Variants in CUL9 observed in about 807,000 individuals in gnomAD.
CUL9 encodes cullin-9.
In CUL9, 79 loss-of-function variants were observed where a neutral mutation model predicts 272.6. The observed-to-expected ratio is 0.29, with a 90% CI of 0.24 to 0.35. The LOEUF is 0.35. Ranked by LOEUF, CUL9 falls within the 10% of genes least tolerant of loss-of-function variation. The pLI, the probability that CUL9 is intolerant of heterozygous loss-of-function variation, is 1.00. For missense variants in CUL9, 2,532 were observed against 3,255.6 expected, an observed-to-expected ratio of 0.78 and a Z score of 5.41; for synonymous variants, 1,186 against 1,286.5, an observed-to-expected ratio of 0.92 and a Z score of 1.67.
Position 43,200,427 on chromosome 6 carries a change from C to T in CUL9, c.3385-9C>T, listed in dbSNP as rs368854404. 1.7e-4 allele frequency: 281 copies of T among 1,614,098 alleles called. 6 individuals are homozygous for T. In the South Asian group the frequency reaches 2.7e-3, roughly 16 times the overall value. The stretch of plus-strand genomic sequence containing the variant: ...CTCTTCCTCATTCTCCCTGATGTTC[C>T]GGCTGCAGATGGTGCTGGGCCAGAT... On this transcript the variant is annotated splice_polypyrimidine_tract_variant and intron_variant, in intron 14 of 40. Coordinates refer to ENST00000252050, the MANE Select transcript of CUL9 (RefSeq NM_015089.4). This position sits in a 1 kb window ranked among gnomAD's most constrained non-coding sequence, Gnocchi z 4.0.
In CUL9 at chr6:43,186,287, G is replaced by A; in HGVS notation, c.1083G>A (p.Trp361Ter). 6.2e-7 allele frequency: 1 copy of A among 1,614,186 alleles called. No individual in the cohort carries two copies. The highest frequency in any genetic ancestry group is 8.5e-7 in the Non-Finnish European group (1 of 1,180,042). ...TCACCACCCCCAGAAGACAAGGGTG[G>A]GTCTTCCGCCAGCGCTCTGAATTCT... Reference protein sequence around the residue: ...TIVTTPRRQGWVFRQRSEFSS... With the variant: ...TIVTTPRRQG Residue 361 changes from tryptophan (W) to a stop codon, truncating the protein, a stop_gained, in exon 4 of 41, where the codon TGG becomes TGA. Transcript: ENST00000252050. LOFTEE classifies it high-confidence loss of function.
intron 16 of CUL9, among the ~76,000 whole-genome samples, 180 bp downstream of exon 16, chr6:43,201,014 C>T (rs1376333525): frequency 6.6e-6 from 1 of 152,220 alleles, no homozygotes; most frequent in African/African-American, 2.4e-5. Flanking sequence ...CCCTCACTCC[C>T]AGAGTCTGGT....
chr6:43,204,896 C>T, intron 22 of CUL9, 37 bp from the exon 23 acceptor site: 1 of 1,611,852 alleles, frequency 6.2e-7, no homozygotes. Flanking sequence ...AGGGGAGGGG[C>T]TGCTCCTTTT....
Position 43,203,919 on chromosome 6 carries a change from C to T in CUL9, c.4091C>T (p.Ala1364Val). ...CGCTTCCTCCCTGATGATGAGGCCG[C>T]CCAGGCACTGGGCAAGACCTGCTGG... ...ADRFLPDDEA[A>V]QALGKTCWEA... The change falls in exon 20 of 41, where the codon GCC becomes GTC. Residue 1364 changes from alanine (A) to valine (V), a missense_variant. Ala to Val is a moderately conservative substitution (Grantham distance 64). Coordinates refer to ENST00000252050, the MANE Select transcript of CUL9 (RefSeq NM_015089.4). This position sits in a 1 kb window ranked among gnomAD's most constrained non-coding sequence, Gnocchi z 5.0. 1 of 1,613,696 alleles carries T rather than the reference C, an allele frequency of 6.2e-7. No individual in the cohort carries two copies. The highest frequency in any genetic ancestry group is 8.5e-7 in the Non-Finnish European group (1 of 1,179,700).
chr6:43,191,481 A>G (rs1170254020), intron 8 of CUL9, among the ~76,000 whole-genome samples: 1 of 97,480 alleles, frequency 1.0e-5, no homozygotes. Context: ...CACCCAGCTA[A>G]TTTTTTTTTT....
Position 43,184,915 on chromosome 6 carries a change from A to C in CUL9, c.595+10A>C. On this transcript the variant is annotated intron_variant, in intron 2 of 40. Transcript: ENST00000252050. The surrounding 1 kb of genome is among the most constrained non-coding windows in gnomAD (Gnocchi z 4.8). ...GCAGCCCACGATGCTGGTAAGAGAC[A>C]GCCAGGGAAGAAGGAAAGGAATGGA... 2 of 1,573,976 alleles carry C rather than the reference A, an allele frequency of 1.3e-6. No homozygotes were observed. The highest frequency in any genetic ancestry group is 1.7e-6 in the Non-Finnish European group (2 of 1,159,918).
chr6:43,223,100 GGATGTTTC>G lies in CUL9; in HGVS notation c.7151-163_7151-156del. The G allele has an allele frequency of 9.2e-7, 1 of 1,086,528 alleles. No individual in the cohort carries two copies. Among genetic ancestry groups the G allele is most frequent in the Non-Finnish European group, 1.3e-6 (1 of 766,074 alleles). 67.3% of individuals were successfully genotyped at this position (1,086,528 alleles called of 1,614,324 possible). On this transcript the variant is annotated intron_variant, in intron 38 of 40. Coordinates refer to ENST00000252050, the MANE Select transcript of CUL9 (RefSeq NM_015089.4). This position sits in a 1 kb window ranked among gnomAD's most constrained non-coding sequence, Gnocchi z 4.1. ...GGTGCCCAAGGGCGCAGATGTTCGT[GGATGTTTC>G]TTGGTTTCTGGTCTTTACCCTGCTC...
chr6:43,200,141 G>A lies in CUL9; in HGVS notation c.3369G>A (p.Leu1123=). 6.2e-7 allele frequency: 1 copy of A among 1,614,090 alleles called. No homozygotes were observed. Residue 1123 remains leucine, a synonymous_variant, in exon 14 of 41, where the codon CTG becomes CTA. Transcript: ENST00000252050. The surrounding 1 kb of genome is among the most constrained non-coding windows in gnomAD (Gnocchi z 4.0). ...QLYSNLTSSI[L]AGCIQMVLGQ... Reference sequence around the variant, plus strand: ...ATAGCAACCTCACCTCCAGCATCCTGGCCGGCTGCATTCAGGTGAGGAGCG... The same window carrying A: ...ATAGCAACCTCACCTCCAGCATCCTAGCCGGCTGCATTCAGGTGAGGAGCG...
At chr6:43,194,916 G>C (rs546602830) in intron 9 of CUL9, among the ~76,000 whole-genome samples, 1 of 152,076 alleles carries the variant, frequency 6.6e-6, no homozygotes. Flanking sequence ...TTAGCCGGGC[G>C]TGGTGGTGCA....
Position 43,199,439 on chromosome 6 carries a change from T to C in CUL9, c.3156+68T>C. 1 of 1,242,068 alleles carries C rather than the reference T, an allele frequency of 8.1e-7. No homozygotes were observed. The allele number at this position is 1,242,068 out of a possible 1,614,324, so 76.9% of individuals were successfully genotyped here. On this transcript the variant is annotated intron_variant, in intron 13 of 40. Transcript: ENST00000252050. This position sits in a 1 kb window ranked among gnomAD's most constrained non-coding sequence, Gnocchi z 4.4. ...CTGGGGCACCAACTCCTTGTGAGGC[T>C]CTGGAGGGCACAGCAGAGCCTTTCT...
At chr6:43,191,481 A>ATTT (rs34090146) in intron 8 of CUL9, among the ~76,000 whole-genome samples, 6,170 of 97,092 alleles carry the variant, frequency 0.064, 240 homozygotes, top group Non-Finnish European at 0.085. Context: ...CACCCAGCTA[A>ATTT]TTTTTTTTTT....
Position 43,204,753 on chromosome 6 carries a change from A to G in CUL9, c.4345A>G (p.Lys1449Glu), listed in dbSNP as rs760112885. ...TTCTCCCTCTGTCTCTACAGTCAGCAAGAACAGCAAGGGTCGGGACCGGAG... is the reference window on the plus strand; with the variant it reads ...TTCTCCCTCTGTCTCTACAGTCAGCGAGAACAGCAAGGGTCGGGACCGGAG... ...SPEPSTRPFS[K>E]NSKGRDRSPA... The change falls in exon 22 of 41, where the codon AAG becomes GAG. Residue 1449 changes from lysine to glutamate, a missense_variant. Transcript: ENST00000252050. The G allele has an allele frequency of 2.5e-6, 4 of 1,614,128 alleles. No individual in the cohort carries two copies. Among genetic ancestry groups the G allele is most frequent in the Non-Finnish European group, 3.4e-6 (4 of 1,179,984 alleles).
chr6:43,216,018 G>T, intron 30 of CUL9, 140 bp from the exon 31 acceptor site: 1 of 706,294 alleles, frequency 1.4e-6, no homozygotes, highest in Non-Finnish European at 2.3e-6. Flanking sequence ...TCTGACGGTT[G>T]GTTTGGGTGG....
rs372346486 is a variant in CUL9, at chr6:43,220,611, C to T, written c.6423+12C>T. The stretch of plus-strand genomic sequence containing the variant: ...AGGTCATCTCCAAGGTATCCCCTCT[C>T]GTCTGAGAGAGGCTCCAGTGCAGAG... On this transcript the variant is annotated intron_variant, in intron 32 of 40. Transcript: ENST00000252050. This position sits in a 1 kb window ranked among gnomAD's most constrained non-coding sequence, Gnocchi z 4.9. 1.3e-5 allele frequency: 21 copies of T among 1,613,694 alleles called. No individual in the cohort carries two copies. Among genetic ancestry groups the T allele is most frequent in the African/African-American group, 6.7e-5 (5 of 74,914 alleles).
At chr6:43,194,392 C>T (rs1773811806) in intron 9 of CUL9, among the ~76,000 whole-genome samples, 1 of 151,820 alleles carries the variant, frequency 6.6e-6, no homozygotes, top group South Asian at 2.1e-4. Flanking sequence ...AATCTCGGCT[C>T]ACTGGAACCT....
intron 8 of CUL9, among the ~76,000 whole-genome samples, chr6:43,190,780 G>A (rs1773393153): frequency 6.6e-6 from 1 of 152,132 alleles, no homozygotes; most frequent in Admixed American, 6.5e-5. Context: ...CTCCTTCTGT[G>A]TTCTTTCCCC....
intron 11 of CUL9, 130 bp downstream of exon 11, chr6:43,196,992 T>A: frequency 2.8e-6 from 2 of 721,752 alleles, no homozygotes; most frequent in South Asian, 3.7e-5. Flanking sequence ...AGTTAGGTCT[T>A]AAGTAGAACT....
Position 43,221,997 on chromosome 6 carries a change from G to A in CUL9, c.6846+219G>A, listed in dbSNP as rs1266515124. The stretch of plus-strand genomic sequence containing the variant: ...CCAGAACAGGACTTCTCATACCGAG[G>A]TGGCTACAGAAAGGCTGGGGAGGGC... On this transcript the variant is annotated intron_variant, in intron 35 of 40. Coordinates refer to ENST00000252050, the MANE Select transcript of CUL9 (RefSeq NM_015089.4). The surrounding 1 kb of genome is among the most constrained non-coding windows in gnomAD (Gnocchi z 4.2). The A allele has an allele frequency of 1.2e-5, 7 of 597,432 alleles. No individual in the cohort carries two copies. Among genetic ancestry groups the A allele is most frequent in the Non-Finnish European group, 2.1e-5 (7 of 337,980 alleles). 37.0% of individuals were successfully genotyped at this position (597,432 alleles called of 1,614,324 possible). A position where few individuals can be genotyped will look rare whatever the true frequency, so the allele number is the denominator to read the frequency against.
chr6:43,213,386 C>T lies in CUL9; in HGVS notation c.5359-52C>T. 5.6e-6 allele frequency: 9 copies of T among 1,611,814 alleles called. No homozygotes were observed. The highest frequency in any genetic ancestry group is 7.6e-6 in the Non-Finnish European group (9 of 1,178,318). ...CCCTGTTCCTCCTTCATCCTTACTC[C>T]CCTCTTCCTTTTCTTTCCTTTGACT... is the stretch of plus-strand genomic sequence containing the variant. On this transcript the variant is annotated intron_variant, in intron 27 of 40. Transcript: ENST00000252050. The surrounding 1 kb of genome is among the most constrained non-coding windows in gnomAD (Gnocchi z 5.7).
Sources: allele counts gnomAD v4.1 joint callset (sites outside exome capture counted in the v4.1 genomes callset), GRCh38; gene constraint gnomAD v4.1.1; non-coding constraint Gnocchi (gnomAD v3.1); transcripts MANE v1.5; gene names NCBI Gene and HGNC (gene_info 2026-07-23, HGNC 2026-07-21).